Variants in AGBL4 observed in about 807,000 individuals in gnomAD.
The protein encoded by AGBL4 is cytosolic carboxypeptidase 6.
AGBL4 carries 58 observed loss-of-function variants against 66.4 expected under a neutral mutation model. The ratio of observed to expected loss-of-function variants is 0.87; its 90% CI spans 0.71 to 1.09. AGBL4 has a LOEUF of 1.09. Among genes scored for constraint, AGBL4 ranks in the 50% least tolerant of loss-of-function variants. The pLI is 0.00. For missense variants in AGBL4, 579 were observed against 631.0 expected (o/e 0.92, Z 0.88); for synonymous variants, 234 against 222.9 (o/e 1.05, Z -0.44).
At chr1:49,702,618 T>A (rs549973875) in intron 2 of AGBL4, among the ~76,000 whole-genome samples, 1 of 152,066 alleles carries the variant, frequency 6.6e-6, no homozygotes, top group Non-Finnish European at 1.5e-5. Flanking sequence ...GATGGAGAGA[T>A]CATGATGACA....
intron 6 of AGBL4, among the ~76,000 whole-genome samples, chr1:48,804,538 C>CTG (rs1209416547): frequency 1.3e-5 from 2 of 152,180 alleles, no homozygotes; most frequent in Admixed American, 6.5e-5. Flanking sequence ...GCCTCTCTCC[C>CTG]CCAACACTGA....
chr1:48,682,241 T>C (rs971744571), intron 6 of AGBL4, among the ~76,000 whole-genome samples: 1 of 152,284 alleles, frequency 6.6e-6, no homozygotes, highest in Admixed American at 6.5e-5. Context: ...AGCCATGCAG[T>C]GTGTGTATTT....
intron 3 of AGBL4, among the ~76,000 whole-genome samples, chr1:49,322,570 A>G (rs908881965): frequency 5.9e-5 from 9 of 152,342 alleles, no homozygotes; most frequent in African/African-American, 2.2e-4. Flanking sequence ...TCTAAATCCA[A>G]TGTGTCATTA....
In AGBL4 at chr1:48,742,842, A is replaced by G. The variant is rs1187598507; in HGVS notation, c.635-79601T>C. On this transcript the variant is annotated intron_variant, in intron 6 of 13. Coordinates refer to ENST00000371839, the MANE Select transcript of AGBL4 (RefSeq NM_032785.4). ...AAAAGGCAAATATTTTTAACTAGGCATCTATCAGCACACCATGGCACAAAA... is the reference window on the plus strand; with the variant it reads ...AAAAGGCAAATATTTTTAACTAGGCGTCTATCAGCACACCATGGCACAAAA... The G allele has an allele frequency of 4.2e-6, 6 of 1,415,660 alleles. No homozygotes were observed. The Admixed American group carries it at 1.3e-4, about 30-fold the overall frequency. The allele number at this position is 1,415,660 out of a possible 1,614,324, so 87.7% of individuals were successfully genotyped here. A position where few individuals can be genotyped will look rare whatever the true frequency, so the allele number is the denominator to read the frequency against.
intron 2 of AGBL4, among the ~76,000 whole-genome samples, chr1:49,806,641 A>G (rs1644982698): frequency 6.6e-6 from 1 of 152,246 alleles, no homozygotes; most frequent in Admixed American, 6.5e-5. Context: ...TGATAAGATT[A>G]ATATGAATCA....
At chr1:48,537,135 G>A (rs901485221) in intron 12 of AGBL4, among the ~76,000 whole-genome samples, 4 of 152,180 alleles carry the variant, frequency 2.6e-5, no homozygotes, top group Non-Finnish European at 5.9e-5. Flanking sequence ...ATACAAAAAA[G>A]GGGAAGTATT....
intron 3 of AGBL4, among the ~76,000 whole-genome samples, chr1:49,669,054 C>T (rs1013992302): frequency 6.6e-6 from 1 of 151,976 alleles, no homozygotes; most frequent in African/African-American, 2.4e-5. Context: ...AGCTCTCAGG[C>T]TAATGGAAGA....
chr1:49,905,403 T>G (rs936563092), intron 1 of AGBL4, among the ~76,000 whole-genome samples: 9 of 152,062 alleles, frequency 5.9e-5, no homozygotes, highest in African/African-American at 1.9e-4. Context: ...CTGGCTTGAG[T>G]TACAAGCAAA....
At chr1:49,940,699 T>G (rs1167616060) in intron 1 of AGBL4, among the ~76,000 whole-genome samples, 1 of 150,882 alleles carries the variant, frequency 6.6e-6, no homozygotes, top group African/African-American at 2.4e-5. Flanking sequence ...TGGGGACTGT[T>G]GTGGGGTGGG....
At chr1:49,131,229 CAG>C in intron 4 of AGBL4, among the ~76,000 whole-genome samples, 1 of 151,962 alleles carries the variant, frequency 6.6e-6, no homozygotes, top group South Asian at 2.1e-4. Flanking sequence ...TTGCTTGGGT[CAG>C]AGGTGTCAGA....
intron 3 of AGBL4, among the ~76,000 whole-genome samples, chr1:49,544,630 T>TA (rs1652334850): frequency 6.6e-6 from 1 of 152,260 alleles, no homozygotes; most frequent in African/African-American, 2.4e-5. Flanking sequence ...AGGTACTTTT[T>TA]ATGTGCGCAG....
intron 3 of AGBL4, among the ~76,000 whole-genome samples, chr1:49,591,946 A>G (rs1644759290): frequency 6.6e-6 from 1 of 152,228 alleles, no homozygotes; most frequent in Admixed American, 6.5e-5. Context: ...CTCAAGATGG[A>G]TTAAAGACTT....
At chr1:49,197,550 G>A (rs12130165) in intron 4 of AGBL4, among the ~76,000 whole-genome samples, 16,885 of 152,162 alleles carry the variant, frequency 0.11, 1,597 homozygotes, top group African/African-American at 0.25. Flanking sequence ...CTGAGGTGCC[G>A]GCCTGGGCGG....
At chr1:49,963,597 C>A (rs982278286) in intron 1 of AGBL4, among the ~76,000 whole-genome samples, 1 of 152,116 alleles carries the variant, frequency 6.6e-6, no homozygotes, top group Non-Finnish European at 1.5e-5. Context: ...GCAAAGGCTT[C>A]TTTTCATGTT....
At chr1:48,778,814 C>A (rs567196276) in intron 6 of AGBL4, among the ~76,000 whole-genome samples, 1 of 152,120 alleles carries the variant, frequency 6.6e-6, no homozygotes, top group South Asian at 2.1e-4. Context: ...ATAGACAGTG[C>A]GTTATATAAG....
chr1:49,444,428 T>C (rs995434631), intron 3 of AGBL4, among the ~76,000 whole-genome samples: 5 of 152,128 alleles, frequency 3.3e-5, no homozygotes, highest in Non-Finnish European at 7.4e-5. Context: ...CTTATAGCAA[T>C]ATTTGCTTTA....
At chr1:49,655,824 G>T (rs1646116244) in intron 3 of AGBL4, among the ~76,000 whole-genome samples, 1 of 152,104 alleles carries the variant, frequency 6.6e-6, no homozygotes, top group African/African-American at 2.4e-5. Flanking sequence ...ATAAAGAAAA[G>T]AGAGAATATT....
intron 1 of AGBL4, among the ~76,000 whole-genome samples, chr1:49,908,725 C>T (rs982202826): frequency 6.6e-6 from 1 of 152,024 alleles, no homozygotes; most frequent in African/African-American, 2.4e-5. Context: ...CCCAGGAGGT[C>T]AAGACCAGCC....
chr1:49,634,921 G>A (rs1252173354), intron 3 of AGBL4, among the ~76,000 whole-genome samples: 1 of 152,214 alleles, frequency 6.6e-6, no homozygotes, highest in Non-Finnish European at 1.5e-5. Context: ...GCATCAGAGA[G>A]ATGCAAACGT....
Sources: allele counts gnomAD v4.1 joint callset (sites outside exome capture counted in the v4.1 genomes callset), GRCh38; gene constraint gnomAD v4.1.1; transcripts MANE v1.5; gene names NCBI Gene and HGNC (gene_info 2026-07-23, HGNC 2026-07-21).